Variants in PCMT1 observed in about 807,000 individuals in gnomAD.
The protein encoded by PCMT1 is protein-L-isoaspartate (D-aspartate) O-methyltransferase, also known as protein-L-isoaspartate(D-aspartate) O-methyltransferase.
In PCMT1, 9 loss-of-function variants were observed where a neutral mutation model predicts 29.2. The ratio of observed to expected loss-of-function variants is 0.31; its 90% CI spans 0.19 to 0.54. PCMT1 has a LOEUF of 0.54. Among genes scored for constraint, PCMT1 ranks in the 20% least tolerant of loss-of-function variants. The pLI is 0.95. For missense variants in PCMT1, 184 were observed against 282.2 expected, an observed-to-expected ratio of 0.65 and a Z score of 2.49; for synonymous variants, 98 against 97.5, an observed-to-expected ratio of 1.00 and a Z score of -0.03.
chr6:149,792,389 G>A (rs563702112), intron 4 of PCMT1, among the ~76,000 whole-genome samples: 1 of 152,212 alleles, frequency 6.6e-6, no homozygotes, highest in African/African-American at 2.4e-5. Context: ...CAAGAACCCA[G>A]ATAGTTTGAC....
chr6:149,769,374 G>A (rs1787220725), intron 1 of PCMT1, among the ~76,000 whole-genome samples: 1 of 142,202 alleles, frequency 7.0e-6, no homozygotes, highest in South Asian at 2.2e-4. Flanking sequence ...GAGTTCAGTG[G>A]CACGATCTCG....
intron 2 of PCMT1, among the ~76,000 whole-genome samples, chr6:149,771,539 C>T (rs773789025): frequency 1.1e-4 from 17 of 152,104 alleles, no homozygotes; most frequent in Middle Eastern, 3.2e-3. Flanking sequence ...TATTTGGAGA[C>T]GGAGTCTCAT....
chr6:149,802,091 TGC>T, intron 6 of PCMT1, 107 bp from the exon 7 acceptor site: 1 of 677,836 alleles, frequency 1.5e-6, no homozygotes, highest in Non-Finnish European at 2.3e-6. Context: ...ATCGTGTCAT[TGC>T]ACTCCAGCCT....
At chr6:149,758,032 T>G (rs1398704721) in intron 1 of PCMT1, among the ~76,000 whole-genome samples, 1 of 151,838 alleles carries the variant, frequency 6.6e-6, no homozygotes, top group Non-Finnish European at 1.5e-5. Flanking sequence ...TACAGGCACG[T>G]GCCACCATAC....
chr6:149,788,159 C>T (rs9688902), intron 3 of PCMT1, among the ~76,000 whole-genome samples: 74,347 of 151,910 alleles, frequency 0.49, 20,040 homozygotes, highest in East Asian at 0.83. Context: ...CCTCGTGATC[C>T]GCCTCGGCCT....
chr6:149,796,377 C>A, intron 5 of PCMT1, 38 bp from the exon 6 acceptor site: 1 of 1,429,136 alleles, frequency 7.0e-7, no homozygotes, highest in Non-Finnish European at 9.8e-7. Flanking sequence ...TAAGTTTGAT[C>A]TAAACAGGTT....
At position 149,771,112 on chromosome 6, in the gene PCMT1, T is replaced by G. The variant is rs370470455; in HGVS notation, c.56-50T>G. On this transcript the variant is annotated intron_variant, in intron 1 of 7. Coordinates refer to ENST00000464889, the MANE Select transcript of PCMT1 (RefSeq NM_001360452.2). ...CAGCTGGTGTAATTATTCTAAAATA[T>G]CTCTGATCATGTCTCTCTCTTCTGA... 36 of 1,063,234 alleles carry G rather than the reference T, an allele frequency of 3.4e-5. No homozygotes were observed. The South Asian group carries it at 4.1e-4, about 12-fold the overall frequency. The allele number at this position is 1,063,234 out of a possible 1,614,324, so 65.9% of individuals were successfully genotyped here. A position where few individuals can be genotyped will look rare whatever the true frequency, so the allele number is the denominator to read the frequency against.
At chr6:149,790,959 T>A (rs1468004151) in intron 4 of PCMT1, among the ~76,000 whole-genome samples, 2 of 151,964 alleles carry the variant, frequency 1.3e-5, no homozygotes, top group Admixed American at 6.6e-5. Flanking sequence ...TAAGCCTTGA[T>A]TGCACCACTG....
rs1308674294 is a variant in PCMT1, at chr6:149,761,242, C to G, written c.56-9920C>G. 2.8e-5 allele frequency among the ~76,000 whole-genome samples: 4 copies of G among 142,708 alleles called. No individual in the cohort carries two copies. The East Asian group carries it at 6.6e-4, about 23-fold the overall frequency. 93.6% of individuals were successfully genotyped at this position (142,708 alleles called of 152,430 possible). A position where few individuals can be genotyped will look rare whatever the true frequency, so the allele number is the denominator to read the frequency against. On this transcript the variant is annotated intron_variant, in intron 1 of 7. Coordinates refer to ENST00000464889, the MANE Select transcript of PCMT1 (RefSeq NM_001360452.2). ...GTAAAGCAGTCCTTGCTGTATCTTG[C>G]TAATTGTAAGGGTGATGTGTGTGTG...
intron 1 of PCMT1, among the ~76,000 whole-genome samples, chr6:149,751,476 C>CTT (rs76128652): frequency 0.04 from 4,606 of 116,216 alleles, 411 homozygotes; most frequent in African/African-American, 0.13. Context: ...ATGGTTGGTA[C>CTT]TTTTTTTTTT....
chr6:149,790,000 C>G lies in PCMT1; in HGVS notation c.239C>G (p.Ala80Gly), dbSNP rs186472718. Residue 80 changes from alanine (A) to glycine (G), a missense_variant, in exon 4 of 8, where the codon GCT becomes GGT. Physicochemically the swap from Ala to Gly is moderately conservative, Grantham distance 60. Coordinates refer to ENST00000464889, the MANE Select transcript of PCMT1 (RefSeq NM_001360452.2). Reference sequence around the variant, plus strand: ...CTATTTGATCAGTTGCATGAAGGAGCTAAAGCTCTTGATGTAGGATCTGGA... The same window carrying G: ...CTATTTGATCAGTTGCATGAAGGAGGTAAAGCTCTTGATGTAGGATCTGGA... ...ELLFDQLHEG[A>G]KALDVGSGSG... 1 of 1,611,842 alleles carries G rather than the reference C, an allele frequency of 6.2e-7. No individual in the cohort carries two copies. The highest frequency in any genetic ancestry group is 1.3e-5 in the African/African-American group (1 of 74,942).
At chr6:149,810,261 T>C (rs1776126209) in intron 7 of PCMT1, 1 of 181,394 alleles carries the variant, frequency 5.5e-6, no homozygotes, top group African/African-American at 2.4e-5. Context: ...ATCAACTCAT[T>C]TGAACTCTAA....
At chr6:149,787,303 G>GGGGAGA (rs879795907) in intron 3 of PCMT1, among the ~76,000 whole-genome samples, 284 of 150,002 alleles carry the variant, frequency 1.9e-3, no homozygotes, top group Non-Finnish European at 3.1e-3. Context: ...GGGAGACCGT[G>GGGGAGA]GGGAGAGGGA....
chr6:149,749,784 C>G lies in PCMT1; in HGVS notation c.-118C>G. 1 of 1,550,926 alleles carries G rather than the reference C, an allele frequency of 6.4e-7. No homozygotes were observed. Among genetic ancestry groups the G allele is most frequent in the African/African-American group, 1.4e-5 (1 of 73,202 alleles). On this transcript the variant is annotated 5_prime_UTR_variant, in exon 1 of 8. Coordinates refer to ENST00000464889, the MANE Select transcript of PCMT1 (RefSeq NM_001360452.2). ...GCGACGGCAGTAACAGCGGCAGCTA[C>G]AGCGGGGACGCGAGCGGGGCGGTGA...
At chr6:149,750,207 C>A (rs1786248026) in intron 1 of PCMT1, 2 of 565,224 alleles carry the variant, frequency 3.5e-6, no homozygotes, top group African/African-American at 1.9e-5. Flanking sequence ...CAGGGGCAGT[C>A]GTCTCCCTGC....
Position 149,756,136 on chromosome 6 carries a change from G to T in PCMT1, c.55+6180G>T, listed in dbSNP as rs145382007. On this transcript the variant is annotated intron_variant, in intron 1 of 7. Coordinates refer to ENST00000464889, the MANE Select transcript of PCMT1 (RefSeq NM_001360452.2). ...AGCCACGTTTATTCTGTGAGGAGGG[G>T]ACTGTGGGAGATCAGATTATTTTGA... Among the ~76,000 whole-genome samples, 32 of 152,212 alleles carry T rather than the reference G, an allele frequency of 2.1e-4. No individual in the cohort carries two copies. In the East Asian group the frequency reaches 5.8e-3, roughly 28 times the overall value.
chr6:149,786,155 G>T (rs1212701259), intron 3 of PCMT1, among the ~76,000 whole-genome samples: 1 of 100,768 alleles, frequency 9.9e-6, no homozygotes. Flanking sequence ...GGCTGGCCGG[G>T]CGGGGGGCTG....
intron 1 of PCMT1, among the ~76,000 whole-genome samples, chr6:149,751,002 T>G (rs1340909721): frequency 1.3e-5 from 2 of 152,166 alleles, no homozygotes; most frequent in Non-Finnish European, 2.9e-5. Flanking sequence ...GTAATTTCCT[T>G]AACGGCTGGC....
At chr6:149,768,737 G>A (rs1787193479) in intron 1 of PCMT1, among the ~76,000 whole-genome samples, 1 of 151,362 alleles carries the variant, frequency 6.6e-6, no homozygotes, top group Admixed American at 6.6e-5. Context: ...AGCGATTCTT[G>A]TGCCTCGGCC....
Sources: allele counts gnomAD v4.1 joint callset (sites outside exome capture counted in the v4.1 genomes callset), GRCh38; gene constraint gnomAD v4.1.1; transcripts MANE v1.5; gene names NCBI Gene and HGNC (gene_info 2026-07-23, HGNC 2026-07-21).